The following GRIK4 variants were observed in gnomAD, a reference collection of about 807,000 sequenced individuals.
GRIK4 encodes glutamate ionotropic receptor kainate type subunit 4.
A neutral mutation model predicts 104.9 loss-of-function variants in GRIK4; 40 were observed. That is an observed-to-expected ratio of 0.38 (90% CI 0.30 to 0.50). The LOEUF (loss-of-function observed/expected upper bound fraction) is 0.50. Among genes scored for constraint, GRIK4 ranks in the 20% least tolerant of loss-of-function variants. The probability of loss-of-function intolerance (pLI) is 0.93; values close to 1 mark genes in which losing one functional copy is unlikely to be tolerated. For missense variants in GRIK4, 1,047 were observed against 1,308.1 expected (o/e 0.80, Z 3.08); for synonymous variants, 485 against 524.9 (o/e 0.92, Z 1.04).
chr11:120,884,687 A>G (rs114593154), intron 11 of GRIK4, among the ~76,000 whole-genome samples: 1,888 of 152,340 alleles, frequency 0.012, 31 homozygotes, highest in African/African-American at 0.042. Context: ...TCCCACTCCT[A>G]TGAGAATCCC....
At chr11:120,944,439 T>A (rs573394334) in intron 14 of GRIK4, among the ~76,000 whole-genome samples, 3 of 152,148 alleles carry the variant, frequency 2.0e-5, no homozygotes, top group Non-Finnish European at 4.4e-5. Context: ...CAAGCTGAAT[T>A]CTGTGTGTTT....
intron 18 of GRIK4, among the ~76,000 whole-genome samples, chr11:120,963,722 G>A (rs1944332521): frequency 6.6e-6 from 1 of 152,224 alleles, no homozygotes; most frequent in Non-Finnish European, 1.5e-5. Flanking sequence ...CCTGTGGAGT[G>A]TAACGAGCAC....
At chr11:120,641,420 G>A (rs1272079698) in intron 1 of GRIK4, among the ~76,000 whole-genome samples, 2 of 151,824 alleles carry the variant, frequency 1.3e-5, no homozygotes, top group Admixed American at 6.6e-5. Flanking sequence ...TACTCCATAG[G>A]CAATGCAGCC....
At position 120,514,971 on chromosome 11, in the gene GRIK4, C is replaced by A. The variant is rs549495152; in HGVS notation, c.-159+3084C>A. ...GTTTCCAGCCATCCTGCCGCTGTGC[C>A]TGTCTTCTTACAGAGGGTAACGCTT... On this transcript the variant is annotated intron_variant, in intron 1 of 20. Coordinates refer to ENST00000527524, the MANE Select transcript of GRIK4 (RefSeq NM_014619.5). 1.3e-5 allele frequency: 6 copies of A among 456,720 alleles called. No individual in the cohort carries two copies. The Admixed American group carries it at 1.4e-4, about 11-fold the overall frequency. The allele number at this position is 456,720 out of a possible 1,614,324, so 28.3% of individuals were successfully genotyped here. A position where few individuals can be genotyped will look rare whatever the true frequency, so the allele number is the denominator to read the frequency against.
At chr11:120,980,962 A>G (rs978643201) in intron 19 of GRIK4, among the ~76,000 whole-genome samples, 1 of 152,168 alleles carries the variant, frequency 6.6e-6, no homozygotes, top group African/African-American at 2.4e-5. Flanking sequence ...GGTAGCGTCG[A>G]TTTCTGATCT....
At chr11:120,985,843 T>C (rs1944733335) in intron 20 of GRIK4, 61 bp from the exon 21 acceptor site, 1 of 1,486,332 alleles carries the variant, frequency 6.7e-7, no homozygotes, top group Admixed American at 2.0e-5. Flanking sequence ...CCCAGCGGAC[T>C]CGCAGGGGGC....
intron 19 of GRIK4, among the ~76,000 whole-genome samples, chr11:120,974,140 T>G (rs768805382): frequency 3.9e-5 from 6 of 152,308 alleles, no homozygotes; most frequent in Non-Finnish European, 8.8e-5. Flanking sequence ...ACTCCTGACC[T>G]CAAGTGATCT....
At chr11:120,822,676 C>G (rs528635095) in intron 6 of GRIK4, among the ~76,000 whole-genome samples, 1 of 152,214 alleles carries the variant, frequency 6.6e-6, no homozygotes, top group Non-Finnish European at 1.5e-5. Flanking sequence ...ACATTCCCAT[C>G]ATGGAGGAAA....
At chr11:120,970,028 G>A (rs1944449198) in intron 19 of GRIK4, among the ~76,000 whole-genome samples, 1 of 152,128 alleles carries the variant, frequency 6.6e-6, no homozygotes, top group Non-Finnish European at 1.5e-5. Context: ...TGTGGTCCTA[G>A]CCTCCCCAAC....
intron 3 of GRIK4, among the ~76,000 whole-genome samples, chr11:120,677,187 G>A (rs1950111716): frequency 6.6e-6 from 1 of 152,208 alleles, no homozygotes; most frequent in African/African-American, 2.4e-5. Flanking sequence ...ATTTTATCAC[G>A]TTGATTTAGT....
chr11:120,712,369 C>T (rs1428335307), intron 3 of GRIK4, among the ~76,000 whole-genome samples: 2 of 152,188 alleles, frequency 1.3e-5, no homozygotes, highest in African/African-American at 4.8e-5. Flanking sequence ...TAGGAAGGAC[C>T]TTAGCCAAGG....
At chr11:120,707,199 G>A (rs898107116) in intron 3 of GRIK4, among the ~76,000 whole-genome samples, 4 of 152,224 alleles carry the variant, frequency 2.6e-5, no homozygotes, top group African/African-American at 9.6e-5. Context: ...ACCCTGGGAA[G>A]CCATGGAAGG....
At chr11:120,729,260 T>C (rs1448587696) in intron 3 of GRIK4, among the ~76,000 whole-genome samples, 14 of 152,214 alleles carry the variant, frequency 9.2e-5, no homozygotes, top group Admixed American at 8.5e-4. Flanking sequence ...TGATTTCCTT[T>C]CTTTTGGGTA....
chr11:120,850,314 G>A (rs964107638), intron 8 of GRIK4, among the ~76,000 whole-genome samples: 5 of 152,122 alleles, frequency 3.3e-5, no homozygotes, highest in Non-Finnish European at 7.4e-5. Flanking sequence ...GTGTGTGTGT[G>A]TGTTTGTGTG....
chr11:120,982,248 C>A, intron 20 of GRIK4, 24 bp downstream of exon 20: 2 of 1,267,588 alleles, frequency 1.6e-6, no homozygotes, highest in Non-Finnish European at 2.3e-6. Flanking sequence ...GGGGTATGAT[C>A]GATCGTGTTG....
Position 120,956,696 on chromosome 11 carries a change from A to T in GRIK4, c.1701-84A>T. On this transcript the variant is annotated intron_variant, in intron 15 of 20. Transcript: ENST00000527524. The surrounding 1 kb of genome is among the most constrained non-coding windows in gnomAD (Gnocchi z 4.6). ...GCCCAAGGCCACAGGCCGGTCTCAG[A>T]GGTGAGACCAGCCAGGAGAGCCTGC... is the stretch of plus-strand genomic sequence containing the variant. The T allele has an allele frequency of 9.9e-7, 1 of 1,013,548 alleles. No individual in the cohort carries two copies. Among genetic ancestry groups the T allele is most frequent in the Non-Finnish European group, 1.4e-6 (1 of 735,124 alleles). 62.8% of individuals were successfully genotyped at this position (1,013,548 alleles called of 1,614,324 possible).
At chr11:120,673,307 C>T (rs1417036534) in intron 3 of GRIK4, among the ~76,000 whole-genome samples, 1 of 152,180 alleles carries the variant, frequency 6.6e-6, no homozygotes, top group East Asian at 1.9e-4. Context: ...CAAGGGAGGT[C>T]CCAAAGGAGC....
intron 13 of GRIK4, among the ~76,000 whole-genome samples, chr11:120,911,608 G>A (rs1381944057): frequency 1.3e-5 from 2 of 148,960 alleles, no homozygotes; most frequent in Non-Finnish European, 1.5e-5. Context: ...TTGGGAGGCC[G>A]AGGCGGGTGG....
Position 120,636,712 on chromosome 11 carries a change from C to T in GRIK4, c.-158-16973C>T, listed in dbSNP as rs146040827. 3.1e-3 allele frequency among the ~76,000 whole-genome samples: 475 copies of T among 152,188 alleles called. 1 individual carries two copies. Among genetic ancestry groups the T allele is most frequent in the African/African-American group, 0.011 (440 of 41,528 alleles). ...AAAATTAGCCGGGTGTGGTGGCGTG[C>T]GCCTGTAATCCCAGCTACTTGGGAG... On this transcript the variant is annotated intron_variant, in intron 1 of 20. Coordinates refer to ENST00000527524, the MANE Select transcript of GRIK4 (RefSeq NM_014619.5).
Sources: gnomAD v4.1 joint callset for allele counts (sites outside exome capture counted in the v4.1 genomes callset) on GRCh38, gnomAD v4.1.1 for gene constraint, Gnocchi (gnomAD v3.1) non-coding constraint, MANE v1.5 for transcripts, NCBI Gene and HGNC (gene_info 2026-07-23, HGNC 2026-07-21) for gene names.